Variants in C12orf42 observed in about 807,000 individuals in gnomAD.
The protein encoded by C12orf42 is chromosome 12 open reading frame 42.
C12orf42 carries 25 observed loss-of-function variants against 21.6 expected under a neutral mutation model. The observed-to-expected ratio is 1.16, with a 90% confidence interval of 0.84 to 1.62. C12orf42 has a LOEUF of 1.62. C12orf42 is among the 40% of genes most tolerant of loss of function. C12orf42 has a pLI of 0.00. For synonymous variants in C12orf42, 174 were observed against 175.0 expected (o/e 0.99, Z 0.05); for missense variants, 483 against 459.3 (o/e 1.05, Z -0.47).
chr12:103,499,357 T>C (rs146814950), upstream of C12orf42, among the ~76,000 whole-genome samples: 36 of 152,384 alleles, frequency 2.4e-4, 1 homozygote, highest in African/African-American at 8.4e-4. Flanking sequence ...CATTACATTG[T>C]ACACGTTAAA....
chr12:103,139,278 C>A, the C12orf42 span, among the ~76,000 whole-genome samples: 1 of 152,118 alleles, frequency 6.6e-6, no homozygotes, highest in African/African-American at 2.4e-5. Flanking sequence ...TACTATTTTC[C>A]AGACATGTAG....
At chr12:103,127,453 G>C in the C12orf42 span, among the ~76,000 whole-genome samples, 1 of 152,046 alleles carries the variant, frequency 6.6e-6, no homozygotes, top group South Asian at 2.1e-4. Flanking sequence ...TTACATATAA[G>C]AGTATATTGC....
the C12orf42 span, among the ~76,000 whole-genome samples, chr12:103,191,898 G>A: frequency 6.6e-6 from 1 of 152,124 alleles, no homozygotes; most frequent in Non-Finnish European, 1.5e-5. Context: ...GTATGTGACT[G>A]AATTTATGTA....
At chr12:103,205,135 G>A in the C12orf42 span, among the ~76,000 whole-genome samples, 1 of 152,138 alleles carries the variant, frequency 6.6e-6, no homozygotes, top group Admixed American at 6.5e-5. Flanking sequence ...AATAGTAAGT[G>A]TTGATGAGGC....
intron 2 of C12orf42, among the ~76,000 whole-genome samples, chr12:103,423,436 C>CAGATT (rs1259081410): frequency 6.6e-6 from 1 of 152,216 alleles, no homozygotes; most frequent in East Asian, 1.9e-4. Context: ...ATGGAAACTG[C>CAGATT]AGATTCTATC....
intron 2 of C12orf42, among the ~76,000 whole-genome samples, chr12:103,408,163 T>C (rs148207498): frequency 2.4e-4 from 36 of 152,310 alleles, no homozygotes; most frequent in Non-Finnish European, 4.9e-4. Context: ...TGTGGGCACC[T>C]TGCCCTGGAG....
At chr12:103,430,804 T>C (rs1258223600) in intron 2 of C12orf42, among the ~76,000 whole-genome samples, 2 of 152,238 alleles carry the variant, frequency 1.3e-5, no homozygotes, top group Non-Finnish European at 2.9e-5. Context: ...TGAGATTGTT[T>C]CCTTTGCAGG....
chr12:103,218,336 C>T, the C12orf42 span, among the ~76,000 whole-genome samples: 4 of 151,602 alleles, frequency 2.6e-5, no homozygotes, highest in Non-Finnish European at 5.9e-5. Flanking sequence ...TTCCTGAGGT[C>T]AGGAAAAATA....
intron 3 of C12orf42, among the ~76,000 whole-genome samples, chr12:103,384,625 A>G (rs773185178): frequency 9.2e-5 from 14 of 152,226 alleles, no homozygotes; most frequent in Non-Finnish European, 1.9e-4. Context: ...ACATCAAAAC[A>G]TTAACATGCA....
At chr12:103,065,821 G>T in the C12orf42 span, among the ~76,000 whole-genome samples, 30 of 152,284 alleles carry the variant, frequency 2.0e-4, no homozygotes, top group African/African-American at 7.0e-4. Context: ...GTAGATTTTG[G>T]GAGCAACACA....
intron 4 of C12orf42, among the ~76,000 whole-genome samples, chr12:103,356,975 G>A (rs1247522799): frequency 6.6e-6 from 1 of 151,928 alleles, no homozygotes; most frequent in Non-Finnish European, 1.5e-5. Flanking sequence ...CATAAAAAAT[G>A]ATGAGTTCAT....
the C12orf42 span, among the ~76,000 whole-genome samples, chr12:103,139,149 C>A: frequency 2.0e-5 from 3 of 152,268 alleles, no homozygotes; most frequent in East Asian, 5.8e-4. Context: ...GACCTTCTAG[C>A]CCAAGCTCTG....
At chr12:103,398,941 G>T (rs4433658) in intron 3 of C12orf42, among the ~76,000 whole-genome samples, 126,412 of 152,048 alleles carry the variant, frequency 0.83, 52,600 homozygotes, top group Admixed American at 0.88. Flanking sequence ...TAACTTGATC[G>T]TTCATTTAAC....
the C12orf42 span, among the ~76,000 whole-genome samples, chr12:103,098,014 T>C: frequency 6.6e-6 from 1 of 152,208 alleles, no homozygotes; most frequent in East Asian, 1.9e-4. Context: ...GAACAGGAGA[T>C]TGCAAGTTGC....
chr12:103,474,582 A>G (rs1230538116), intron 2 of C12orf42, among the ~76,000 whole-genome samples: 3 of 152,144 alleles, frequency 2.0e-5, no homozygotes, highest in South Asian at 2.1e-4. Context: ...AAGAACCATG[A>G]TAAGTTTGTA....
intron 6 of C12orf42, among the ~76,000 whole-genome samples, chr12:103,269,348 GCTCAACTCGGAGGAAGCACT>G (rs1352914375): frequency 6.6e-6 from 1 of 152,094 alleles, no homozygotes; most frequent in Non-Finnish European, 1.5e-5. Flanking sequence ...GAGCACCTGG[GCTCAACTCGGAGGAAGCACT>G]CTGCCCCAGA....
intron 2 of C12orf42, among the ~76,000 whole-genome samples, chr12:103,407,995 A>G (rs1343922652): frequency 6.6e-6 from 1 of 152,182 alleles, no homozygotes; most frequent in African/African-American, 2.4e-5. Flanking sequence ...AATCATTATC[A>G]TCATCATAGT....
At chr12:103,155,079 G>C in the C12orf42 span, 19 of 152,330 alleles carry the variant, frequency 1.2e-4, no homozygotes, top group African/African-American at 3.8e-4. Context: ...TGTGGAACTA[G>C]AAATTTAGCT....
intron 2 of C12orf42, among the ~76,000 whole-genome samples, chr12:103,403,466 T>G (rs927392797): frequency 2.6e-5 from 4 of 151,958 alleles, no homozygotes; most frequent in African/African-American, 9.7e-5. Flanking sequence ...CCAGAAGGAA[T>G]TCTAAATCGC....
Sources: gnomAD v4.1 joint callset for allele counts (sites outside exome capture counted in the v4.1 genomes callset) on GRCh38, gnomAD v4.1.1 for gene constraint, MANE v1.5 for transcripts, NCBI Gene and HGNC (gene_info 2026-07-23, HGNC 2026-07-21) for gene names.